Variants in LSR observed in about 807,000 individuals in gnomAD.
The protein encoded by LSR is lipolysis-stimulated lipoprotein receptor.
A neutral mutation model predicts 61.8 loss-of-function variants in LSR; 44 were observed. The ratio of observed to expected loss-of-function variants is 0.71; its 90% confidence interval spans 0.56 to 0.91. The LOEUF (loss-of-function observed/expected upper bound fraction) is 0.91, where lower values mean the gene tolerates loss of function less well. LSR is among the 40% of genes least tolerant of loss of function. The pLI is 0.00. For synonymous variants in LSR, 397 were observed against 350.6 expected, an observed-to-expected ratio of 1.13 and a Z score of -1.48; for missense variants, 911 against 830.5, an observed-to-expected ratio of 1.10 and a Z score of -1.19.
intron 4 of LSR, among the ~76,000 whole-genome samples, chr19:35,262,313 G>GT (rs772096427): frequency 9.2e-5 from 14 of 152,148 alleles, no homozygotes; most frequent in Non-Finnish European, 1.8e-4. Context: ...TCTGCCTTGT[G>GT]TTTTTTGCAC....
intron 2 of LSR, among the ~76,000 whole-genome samples, chr19:35,252,367 G>T (rs1038336071): frequency 6.6e-6 from 1 of 152,094 alleles, no homozygotes; most frequent in South Asian, 2.1e-4. Context: ...GAATTTCAAA[G>T]TCTGGGCACG....
Position 35,262,031 on chromosome 19 carries a change from A to G in LSR, c.631+50A>G. On this transcript the variant is annotated intron_variant, in intron 4 of 9. Coordinates refer to ENST00000605618, the MANE Select transcript of LSR (RefSeq NM_205834.4). ...GGCTTCTCGGGAGCTCCCATACATC[A>G]CCTACTGCTTCTGACTCTAGTTAGT... 4 of 1,453,066 alleles carry G rather than the reference A, an allele frequency of 2.8e-6. No homozygotes were observed. The South Asian group carries it at 5.4e-5, about 19-fold the overall frequency. 90.0% of individuals were successfully genotyped at this position (1,453,066 alleles called of 1,614,324 possible).
At chr19:35,262,407 G>A in intron 4 of LSR, 139 bp from the exon 5 acceptor site, 1 of 978,724 alleles carries the variant, frequency 1.0e-6, no homozygotes, top group Non-Finnish European at 1.6e-6. Context: ...AAAAAATCCA[G>A]CCAGGGCTGC....
rs770221040 is a variant in LSR at position 35,262,580 on chromosome 19, C to A, written c.666C>A (p.Ala222=). ...WLFVVVVCLA[A]FLIFLLLGIC... is the part of the protein sequence containing the mutation. ...TCGTGGTTGTGGTATGCCTGGCTGCCTTCCTCATCTTCCTCCTCCTGGGCA... is the reference window on the plus strand; with the variant it reads ...TCGTGGTTGTGGTATGCCTGGCTGCATTCCTCATCTTCCTCCTCCTGGGCA... Residue 222 remains alanine (A), a synonymous_variant, in exon 5 of 10, where the codon GCC becomes GCA. Transcript: ENST00000605618. The A allele has an allele frequency of 1.2e-6, 2 of 1,614,242 alleles. No homozygotes were observed. Among genetic ancestry groups the A allele is most frequent in the Non-Finnish European group, 1.7e-6 (2 of 1,180,038 alleles).
chr19:35,249,014 A>T lies in LSR; in HGVS notation c.-9A>T, dbSNP rs746985695. On this transcript the variant is annotated 5_prime_UTR_variant, in exon 1 of 10. Coordinates refer to ENST00000605618, the MANE Select transcript of LSR (RefSeq NM_205834.4). ...GGACGCGCGGGCCAGACGCGCCCAG[A>T]CGGCCGCGATGGCGCTGTTGGCCGG... 1.2e-6 allele frequency: 2 copies of T among 1,608,184 alleles called. No individual in the cohort carries two copies. Among genetic ancestry groups the T allele is most frequent in the Non-Finnish European group, 1.7e-6 (2 of 1,177,750 alleles).
intron 1 of LSR, chr19:35,249,367 C>T (rs1180361988): frequency 7.6e-6 from 4 of 525,328 alleles, no homozygotes; most frequent in Non-Finnish European, 9.8e-6. Flanking sequence ...ACTCCCTGGA[C>T]GGTGAGACCC....
chr19:35,249,016 G>A lies in LSR; in HGVS notation c.-7G>A, dbSNP rs533981894. On this transcript the variant is annotated 5_prime_UTR_variant, in exon 1 of 10. Coordinates refer to ENST00000605618, the MANE Select transcript of LSR (RefSeq NM_205834.4). ...ACGCGCGGGCCAGACGCGCCCAGAC[G>A]GCCGCGATGGCGCTGTTGGCCGGCG... is the stretch of plus-strand genomic sequence containing the variant. The A allele has an allele frequency of 7.5e-6, 12 of 1,607,054 alleles. No homozygotes were observed. The South Asian group carries it at 9.9e-5, about 13-fold the overall frequency.
At chr19:35,261,134 T>G (rs1217237210) in intron 3 of LSR, among the ~76,000 whole-genome samples, 2 of 151,934 alleles carry the variant, frequency 1.3e-5, no homozygotes, top group Non-Finnish European at 2.9e-5. Context: ...ACAACACTGG[T>G]GGGGCTCAGA....
chr19:35,257,416 G>C (rs1208757726), intron 2 of LSR, among the ~76,000 whole-genome samples: 1 of 152,198 alleles, frequency 6.6e-6, no homozygotes, highest in Non-Finnish European at 1.5e-5. Context: ...GGGCCTTGGG[G>C]ACCATGGGAC....
chr19:35,260,625 C>T (rs944780291), intron 3 of LSR, among the ~76,000 whole-genome samples: 4 of 152,122 alleles, frequency 2.6e-5, no homozygotes, highest in Admixed American at 6.5e-5. Context: ...CCAAGATACA[C>T]AAGGAAGACT....
chr19:35,260,476 G>A (rs892797757), intron 3 of LSR, among the ~76,000 whole-genome samples: 1 of 151,650 alleles, frequency 6.6e-6, no homozygotes, highest in Non-Finnish European at 1.5e-5. Context: ...TGTATTTTTA[G>A]TAGAGACTGG....
At chr19:35,259,632 T>C (rs138890417) in intron 3 of LSR, among the ~76,000 whole-genome samples, 1,592 of 149,428 alleles carry the variant, frequency 0.011, 24 homozygotes, top group African/African-American at 0.037. Flanking sequence ...AGTGAGACTC[T>C]GTCCAAAAAA....
Position 35,250,550 on chromosome 19 carries a change from C to T in LSR, c.345C>T (p.Tyr115=), listed in dbSNP as rs772482143. 47 of 1,614,004 alleles carry T rather than the reference C, an allele frequency of 2.9e-5. No homozygotes were observed. The highest frequency in any genetic ancestry group is 1.1e-4 in the South Asian group (10 of 91,084). The part of the protein sequence containing the change: ...LAAGNPGYNP[Y]VECQDSVRTV... Reference sequence around the variant, plus strand: ...CCGGGAACCCAGGCTACAACCCCTACGTTGAGTGCCAGGACAGCGTGCGCA... The same window carrying T: ...CCGGGAACCCAGGCTACAACCCCTATGTTGAGTGCCAGGACAGCGTGCGCA... The change falls in exon 2 of 10, where the codon TAC becomes TAT. Residue 115 remains tyrosine (Y), a synonymous_variant. Coordinates refer to ENST00000605618, the MANE Select transcript of LSR (RefSeq NM_205834.4).
chr19:35,258,983 A>G lies in LSR; in HGVS notation c.493A>G (p.Ser165Gly). 6.2e-7 allele frequency: 1 copy of G among 1,613,956 alleles called. No homozygotes were observed. The highest frequency in any genetic ancestry group is 8.5e-7 in the Non-Finnish European group (1 of 1,179,966). Residue 165 changes from serine (S) to glycine (G), a missense_variant, in exon 3 of 10, where the codon AGT becomes GGT. Coordinates refer to ENST00000605618, the MANE Select transcript of LSR (RefSeq NM_205834.4). ...CTTTGACCAGACGGCGTGGGGGGAC[A>G]GTGGTGTGTATTACTGCTCCGTGGT... ...LTFDQTAWGD[S>G]GVYYCSVVSA...
At chr19:35,263,231 AGATCACGCCACTGCACTCCAGCCTGGGC>A (rs2065953574) in intron 5 of LSR, 1 of 152,242 alleles carries the variant, frequency 6.6e-6, no homozygotes, top group African/African-American at 2.4e-5. Flanking sequence ...CAGTGAGCTG[AGATCACGCCACTGCACTCCAGCCTGGGC>A]GACAGAGTGA....
rs1324144478 is a variant in LSR at position 35,250,533 on chromosome 19, C to G, written c.328C>G (p.Pro110Ala). The change falls in exon 2 of 10, where the codon CCA (proline) becomes GCA (alanine). Residue 110 changes from proline to alanine, a missense_variant. Pro to Ala is a conservative substitution (Grantham distance 27). Coordinates refer to ENST00000605618, the MANE Select transcript of LSR (RefSeq NM_205834.4). The part of the protein sequence containing the change: ...QLNAQLAAGN[P>A]GYNPYVECQD... ...CAATGCCCAGCTGGCAGCCGGGAACCCAGGCTACAACCCCTACGTTGAGTG... is the reference window on the plus strand; with the variant it reads ...CAATGCCCAGCTGGCAGCCGGGAACGCAGGCTACAACCCCTACGTTGAGTG... The G allele has an allele frequency of 6.2e-7, 1 of 1,614,064 alleles. No individual in the cohort carries two copies. Among genetic ancestry groups the G allele is most frequent in the East Asian group, 2.2e-5 (1 of 44,896 alleles).
At chr19:35,256,721 TGAATGAATGAAAGAAA>T (rs768215459) in intron 2 of LSR, among the ~76,000 whole-genome samples, 5 of 126,192 alleles carry the variant, frequency 4.0e-5, no homozygotes, top group East Asian at 2.1e-4. Context: ...AATGAATGAA[TGAATGAATGAAAGAAA>T]GAAAGAAATG....
chr19:35,255,773 C>T (rs1167914158), intron 2 of LSR, among the ~76,000 whole-genome samples: 4 of 152,182 alleles, frequency 2.6e-5, no homozygotes, highest in Non-Finnish European at 2.9e-5. Context: ...GTCCCTGATT[C>T]GTTTTCTCCA....
intron 2 of LSR, among the ~76,000 whole-genome samples, chr19:35,257,514 G>A (rs1188813839): frequency 1.3e-5 from 2 of 152,178 alleles, no homozygotes; most frequent in Admixed American, 1.3e-4. Context: ...CCTTCCTTAT[G>A]AAGAAAGCAA....
Sources: allele counts gnomAD v4.1 joint callset (sites outside exome capture counted in the v4.1 genomes callset), GRCh38; gene constraint gnomAD v4.1.1; transcripts MANE v1.5; gene names NCBI Gene and HGNC (gene_info 2026-07-23, HGNC 2026-07-21).